STRN3: variants seen among roughly 807,000 people sequenced by gnomAD.
STRN3 encodes the protein striatin 3, also known as striatin-3.
A neutral mutation model predicts 95.6 loss-of-function variants in STRN3; 29 were observed. That is an observed-to-expected ratio of 0.30 (90% CI 0.23 to 0.41). The LOEUF is 0.41. STRN3 is among the 10% of genes least tolerant of loss of function. STRN3 has a pLI of 1.00. For synonymous variants in STRN3, 331 were observed against 357.6 expected (o/e 0.93, Z 0.84); for missense variants, 890 against 972.1 (o/e 0.92, Z 1.12).
intron 13 of STRN3, among the ~76,000 whole-genome samples, chr14:30,908,165 T>C (rs1191522737): frequency 1.3e-5 from 2 of 152,172 alleles, no homozygotes; most frequent in Non-Finnish European, 2.9e-5. Flanking sequence ...GCTTCTCTAC[T>C]ACACAAATTC....
At chr14:30,952,264 T>G (rs930473326) in intron 3 of STRN3, among the ~76,000 whole-genome samples, 1 of 152,122 alleles carries the variant, frequency 6.6e-6, no homozygotes, top group African/African-American at 2.4e-5. Flanking sequence ...AAAGACACAG[T>G]GAAGAAGAGA....
At chr14:30,899,804 T>G (rs1398726190) in intron 16 of STRN3, among the ~76,000 whole-genome samples, 2 of 151,970 alleles carry the variant, frequency 1.3e-5, no homozygotes, top group Non-Finnish European at 1.5e-5. Flanking sequence ...AACCATATCT[T>G]ATACATGATA....
At chr14:30,934,969 T>C (rs1049929846) in intron 7 of STRN3, among the ~76,000 whole-genome samples, 194 bp downstream of exon 7, 3 of 152,208 alleles carry the variant, frequency 2.0e-5, no homozygotes, top group African/African-American at 7.2e-5. Flanking sequence ...AAAAGCCATA[T>C]ATATTAAATA....
chr14:30,929,015 T>A (rs920030061), intron 8 of STRN3, among the ~76,000 whole-genome samples, 186 bp downstream of exon 8: 4 of 152,192 alleles, frequency 2.6e-5, no homozygotes, highest in Admixed American at 2.6e-4. Flanking sequence ...TAAATGATTT[T>A]CTACTTGATC....
intron 1 of STRN3, among the ~76,000 whole-genome samples, chr14:30,974,229 G>A (rs1016669188): frequency 6.6e-6 from 1 of 152,074 alleles, no homozygotes; most frequent in East Asian, 1.9e-4. Flanking sequence ...ATCCAGCAAA[G>A]TAACAGAATA....
intron 1 of STRN3, among the ~76,000 whole-genome samples, chr14:30,970,245 A>T (rs1880756692): frequency 6.6e-6 from 1 of 152,156 alleles, no homozygotes; most frequent in South Asian, 2.1e-4. Context: ...GACTCTCCTC[A>T]GAATGGGCAT....
chr14:31,006,736 A>T (rs150019442), intron 1 of STRN3, among the ~76,000 whole-genome samples: 33 of 151,694 alleles, frequency 2.2e-4, no homozygotes, highest in African/African-American at 7.5e-4. Context: ...CACACATACA[A>T]AAAAAAAGGA....
chr14:30,944,704 T>TG (rs1233172987), intron 5 of STRN3, among the ~76,000 whole-genome samples: 2 of 150,920 alleles, frequency 1.3e-5, no homozygotes, highest in Admixed American at 1.3e-4. Flanking sequence ...CTGCAACCTT[T>TG]GCCTCCTGGT....
rs547813623 is a variant in STRN3 at position 31,017,405 on chromosome 14, A to G, written c.282+8499T>C. Among the ~76,000 whole-genome samples, 32 of 19,622 alleles carry G rather than the reference A, an allele frequency of 1.6e-3. No homozygotes were observed. In the East Asian group the frequency reaches 0.017, roughly 11 times the overall value. The allele number at this position is 19,622 out of a possible 152,430, so 12.9% of individuals were successfully genotyped here. ...TCCCACCTACTAGGGAGGCTGAGGC[A>G]GGAGAATGGCGTGAACCCAGGAGGC... On this transcript the variant is annotated intron_variant, in intron 1 of 17. Transcript: ENST00000357479.
intron 9 of STRN3, among the ~76,000 whole-genome samples, chr14:30,915,380 T>C (rs755491104): frequency 3.3e-5 from 5 of 152,166 alleles, no homozygotes; most frequent in Non-Finnish European, 7.4e-5. Flanking sequence ...AATAGGGCTC[T>C]AAAATGCAGC....
chr14:30,916,983 C>CAAA (rs2139006549), intron 9 of STRN3, among the ~76,000 whole-genome samples: 1 of 152,222 alleles, frequency 6.6e-6, no homozygotes, highest in Admixed American at 6.5e-5. Context: ...TCTTTAGCAG[C>CAAA]AATAGTCTAG....
chr14:30,957,887 C>T (rs986227007), intron 1 of STRN3, among the ~76,000 whole-genome samples: 2 of 152,136 alleles, frequency 1.3e-5, no homozygotes, highest in African/African-American at 4.8e-5. Flanking sequence ...AGAAAGAAAG[C>T]TATTCAGTAA....
At chr14:30,907,410 C>A (rs888579500) in intron 13 of STRN3, among the ~76,000 whole-genome samples, 4 of 151,814 alleles carry the variant, frequency 2.6e-5, no homozygotes, top group Admixed American at 2.0e-4. Context: ...ACCATCATGA[C>A]AATCAATTTT....
intron 1 of STRN3, among the ~76,000 whole-genome samples, chr14:31,022,249 A>G (rs2139358622): frequency 6.6e-6 from 1 of 152,088 alleles, no homozygotes; most frequent in Admixed American, 6.6e-5. Flanking sequence ...GCGTGGTGGC[A>G]GGCACCTGTA....
chr14:31,024,595 GTT>G (rs1373616980), intron 1 of STRN3, among the ~76,000 whole-genome samples: 1 of 152,062 alleles, frequency 6.6e-6, no homozygotes, highest in Non-Finnish European at 1.5e-5. Context: ...CTTTTGAAAA[GTT>G]TAACTTCACC....
At chr14:30,989,350 A>C (rs1469371791) in intron 1 of STRN3, among the ~76,000 whole-genome samples, 1 of 152,186 alleles carries the variant, frequency 6.6e-6, no homozygotes, top group Non-Finnish European at 1.5e-5. Flanking sequence ...TGACTTCAAA[A>C]GCCTTCCTCT....
At chr14:30,925,905 A>G (rs959314590) in intron 8 of STRN3, among the ~76,000 whole-genome samples, 3 of 152,148 alleles carry the variant, frequency 2.0e-5, no homozygotes, top group African/African-American at 7.2e-5. Flanking sequence ...CAGAATAATA[A>G]CATGGACTAG....
intron 1 of STRN3, among the ~76,000 whole-genome samples, chr14:30,980,533 G>A (rs559746019): frequency 2.2e-4 from 34 of 151,680 alleles, no homozygotes; most frequent in African/African-American, 7.7e-4. Flanking sequence ...TCAGCCTCCC[G>A]AGTTGCTGGG....
intron 9 of STRN3, among the ~76,000 whole-genome samples, chr14:30,917,607 A>T (rs115498283): frequency 1.0e-3 from 157 of 152,196 alleles, no homozygotes; most frequent in African/African-American, 3.7e-3. Flanking sequence ...TTCTAAAGTA[A>T]AACAGGAATA....
Sources: allele counts gnomAD v4.1 joint callset (sites outside exome capture counted in the v4.1 genomes callset), GRCh38; gene constraint gnomAD v4.1.1; transcripts MANE v1.5; gene names NCBI Gene and HGNC (gene_info 2026-07-23, HGNC 2026-07-21).